The following ADAMTSL1 variants were observed in gnomAD, a reference collection of about 807,000 sequenced individuals.
ADAMTSL1 encodes ADAMTS-like protein 1.
In ADAMTSL1, 126 loss-of-function variants were observed where a neutral mutation model predicts 201.8. That is an observed-to-expected ratio of 0.62 (90% confidence interval 0.54 to 0.72). ADAMTSL1 has a LOEUF of 0.72. Ranked by LOEUF, ADAMTSL1 falls within the 30% of genes least tolerant of loss-of-function variation. The probability of loss-of-function intolerance (pLI) is 0.00; values close to 1 mark genes in which losing one functional copy is unlikely to be tolerated. For missense variants in ADAMTSL1, 2,679 were observed against 2,277.8 expected (o/e 1.18, Z -3.59); for synonymous variants, 1,121 against 903.4 (o/e 1.24, Z -4.32).
At chr9:18,772,770 T>C (rs1230991805) in intron 17 of ADAMTSL1, among the ~76,000 whole-genome samples, 1 of 152,192 alleles carries the variant, frequency 6.6e-6, no homozygotes, top group Non-Finnish European at 1.5e-5. Flanking sequence ...AAGGAAGCAC[T>C]CACCATGGCT....
intron 2 of ADAMTSL1, among the ~76,000 whole-genome samples, chr9:18,311,989 T>C (rs1834176156): frequency 6.6e-6 from 1 of 152,184 alleles, no homozygotes; most frequent in Non-Finnish European, 1.5e-5. Flanking sequence ...TACGTGCTGT[T>C]CTGGGCACTA....
chr9:18,357,236 A>C (rs1836290903), intron 2 of ADAMTSL1, among the ~76,000 whole-genome samples: 2 of 152,114 alleles, frequency 1.3e-5, no homozygotes, highest in East Asian at 3.8e-4. Flanking sequence ...AAGTAGGGCC[A>C]CCCCAAGCAA....
intron 1 of ADAMTSL1, among the ~76,000 whole-genome samples, chr9:18,113,919 T>C (rs1474219214): frequency 6.6e-6 from 1 of 152,078 alleles, no homozygotes; most frequent in Non-Finnish European, 1.5e-5. Context: ...TTTCTCAAAG[T>C]CATATAGGTA....
chr9:18,195,144 T>A lies in ADAMTSL1; in HGVS notation c.207+31163T>A, dbSNP rs1192052904. Among the ~76,000 whole-genome samples, 3 of 152,254 alleles carry A rather than the reference T, an allele frequency of 2.0e-5. No individual in the cohort carries two copies. In the East Asian group the frequency reaches 5.8e-4, roughly 29 times the overall value. ...GCTGTTATTATTTATATTGTTTGTT[T>A]TGAGGAATGAGGGGTCACAGCCACC... is the stretch of plus-strand genomic sequence containing the variant. On this transcript the variant is annotated intron_variant, in intron 2 of 29. Coordinates refer to the ADAMTSL1 transcript ENST00000680146.
At chr9:18,552,246 T>C (rs1820835376) in intron 3 of ADAMTSL1, among the ~76,000 whole-genome samples, 1 of 151,898 alleles carries the variant, frequency 6.6e-6, no homozygotes, top group Admixed American at 6.6e-5. Flanking sequence ...TAAATACAGC[T>C]TTAGTTGCAT....
intron 7 of ADAMTSL1, among the ~76,000 whole-genome samples, chr9:18,653,041 G>A (rs1198524718): frequency 2.0e-5 from 3 of 152,242 alleles, no homozygotes; most frequent in African/African-American, 7.2e-5. Context: ...TAGAGGTAGT[G>A]ACTCTGCCAA....
intron 1 of ADAMTSL1, among the ~76,000 whole-genome samples, chr9:18,069,740 G>A (rs1822871739): frequency 6.6e-6 from 1 of 152,176 alleles, no homozygotes; most frequent in Non-Finnish European, 1.5e-5. Flanking sequence ...GTAGAAGTGA[G>A]GTTATGATAG....
At chr9:18,608,945 G>T (rs1219782431) in intron 4 of ADAMTSL1, among the ~76,000 whole-genome samples, 1 of 152,038 alleles carries the variant, frequency 6.6e-6, no homozygotes, top group Non-Finnish European at 1.5e-5. Flanking sequence ...AATAAATTTT[G>T]AATATCCCTT....
intron 1 of ADAMTSL1, among the ~76,000 whole-genome samples, chr9:18,010,791 G>A (rs545231900): frequency 6.6e-6 from 1 of 152,092 alleles, no homozygotes; most frequent in South Asian, 2.1e-4. Flanking sequence ...CGACACCACC[G>A]TGCAATGTAG....
At chr9:18,146,193 T>C (rs1455314522) in intron 1 of ADAMTSL1, among the ~76,000 whole-genome samples, 1 of 152,144 alleles carries the variant, frequency 6.6e-6, no homozygotes, top group Admixed American at 6.6e-5. Flanking sequence ...CAAAATAGTC[T>C]TACCATATTT....
chr9:18,628,754 C>G (rs1008570263), intron 5 of ADAMTSL1, among the ~76,000 whole-genome samples: 3 of 152,154 alleles, frequency 2.0e-5, no homozygotes, highest in Non-Finnish European at 4.4e-5. Context: ...TATTTTATCT[C>G]TTTGATTAGC....
intron 4 of ADAMTSL1, among the ~76,000 whole-genome samples, chr9:18,576,129 A>T (rs1323462713): frequency 6.6e-6 from 1 of 152,048 alleles, no homozygotes; most frequent in Non-Finnish European, 1.5e-5. Context: ...ATACGGTATA[A>T]TTTGTAAATT....
At chr9:18,846,005 C>T (rs1413962131) in intron 23 of ADAMTSL1, among the ~76,000 whole-genome samples, 4 of 152,188 alleles carry the variant, frequency 2.6e-5, no homozygotes, top group Admixed American at 2.6e-4. Context: ...GTTCCATTTA[C>T]TTATTCAAGA....
chr9:18,025,197 C>T (rs1335406777), intron 1 of ADAMTSL1, among the ~76,000 whole-genome samples: 1 of 152,046 alleles, frequency 6.6e-6, no homozygotes. Context: ...ATACTTCTCC[C>T]ATTTAGTAGG....
At chr9:18,362,707 A>C (rs1002753715) in intron 2 of ADAMTSL1, among the ~76,000 whole-genome samples, 1 of 152,176 alleles carries the variant, frequency 6.6e-6, no homozygotes, top group African/African-American at 2.4e-5. Context: ...CTAATTGATA[A>C]ATCAAGATTT....
intron 23 of ADAMTSL1, among the ~76,000 whole-genome samples, chr9:18,881,619 T>C (rs558705577): frequency 3.9e-5 from 6 of 152,328 alleles, no homozygotes; most frequent in Non-Finnish European, 8.8e-5. Flanking sequence ...ATGAAAAGTT[T>C]TGAAAATTTT....
At chr9:18,416,838 A>G (rs1818697545) in intron 2 of ADAMTSL1, among the ~76,000 whole-genome samples, 1 of 151,986 alleles carries the variant, frequency 6.6e-6, no homozygotes, top group African/African-American at 2.4e-5. Flanking sequence ...AGATGTAAAT[A>G]CTCCTCCCTC....
chr9:18,658,980 G>T (rs1320304114), intron 8 of ADAMTSL1, among the ~76,000 whole-genome samples: 1 of 152,196 alleles, frequency 6.6e-6, no homozygotes, highest in Non-Finnish European at 1.5e-5. Flanking sequence ...ATAACAATCA[G>T]TGTGTGAATA....
chr9:18,358,963 G>T (rs1836379059), intron 2 of ADAMTSL1, among the ~76,000 whole-genome samples: 1 of 152,150 alleles, frequency 6.6e-6, no homozygotes, highest in South Asian at 2.1e-4. Context: ...GAGTCATGGA[G>T]GGTGGGGTAG....
Sources: allele counts gnomAD v4.1 joint callset (sites outside exome capture counted in the v4.1 genomes callset), GRCh38; gene constraint gnomAD v4.1.1; transcripts MANE v1.5; gene names NCBI Gene and HGNC (gene_info 2026-07-23, HGNC 2026-07-21).